The following TAS2R1 variants were observed in gnomAD, a reference collection of about 807,000 sequenced individuals.
TAS2R1 encodes taste 2 receptor member 1, also known as taste receptor type 2 member 1.
For synonymous variants in TAS2R1, 141 were observed against 134.2 expected, an observed-to-expected ratio of 1.05 and a Z score of -0.35; for missense variants, 370 against 353.4, an observed-to-expected ratio of 1.05 and a Z score of -0.38.
intron 1 of TAS2R1, among the ~76,000 whole-genome samples, chr5:9,698,930 T>C (rs896378522): frequency 1.3e-5 from 2 of 152,226 alleles, no homozygotes; most frequent in African/African-American, 4.8e-5. Flanking sequence ...ATAAAGCATA[T>C]AGCGTATCAA....
At chr5:9,737,231 C>T in the TAS2R1 span, among the ~76,000 whole-genome samples, 2 of 152,160 alleles carry the variant, frequency 1.3e-5, no homozygotes, top group Non-Finnish European at 2.9e-5. Flanking sequence ...ACTAGAAGAA[C>T]CCAGACTCTT....
At chr5:9,760,552 A>G in the TAS2R1 span, among the ~76,000 whole-genome samples, 2 of 152,368 alleles carry the variant, frequency 1.3e-5, no homozygotes, top group East Asian at 3.9e-4. Context: ...GACATCAATC[A>G]TTGTGGTCCA....
At chr5:9,707,050 G>A (rs1407663290) in intron 1 of TAS2R1, among the ~76,000 whole-genome samples, 1 of 152,162 alleles carries the variant, frequency 6.6e-6, no homozygotes, top group Non-Finnish European at 1.5e-5. Flanking sequence ...ATGAGATGCA[G>A]TGAAGGACAG....
the TAS2R1 span, chr5:9,903,779 T>C: frequency 1.3e-5 from 2 of 152,104 alleles, no homozygotes; most frequent in Non-Finnish European, 2.9e-5. Context: ...GGTTATATTT[T>C]TGTTAAGTGT....
At chr5:9,820,898 C>A in the TAS2R1 span, among the ~76,000 whole-genome samples, 5 of 152,074 alleles carry the variant, frequency 3.3e-5, no homozygotes, top group African/African-American at 1.2e-4. Flanking sequence ...AGTCGATTTT[C>A]CCACCAGCAT....
chr5:9,855,360 AC>A, the TAS2R1 span, among the ~76,000 whole-genome samples: 1 of 152,136 alleles, frequency 6.6e-6, no homozygotes, highest in Non-Finnish European at 1.5e-5. Flanking sequence ...AATTCAATAC[AC>A]CATCACAATA....
the TAS2R1 span, among the ~76,000 whole-genome samples, chr5:9,901,119 A>G: frequency 6.6e-6 from 1 of 150,612 alleles, no homozygotes; most frequent in African/African-American, 2.4e-5. Flanking sequence ...CCCTGAGAAG[A>G]CCACAGAGAA....
At position 9,680,206 on chromosome 5, in the gene TAS2R1, A is replaced by G. The variant is rs564243271; in HGVS notation, c.-241-20625T>C. On this transcript the variant is annotated intron_variant, in intron 1 of 2. Coordinates refer to the TAS2R1 transcript ENST00000506620. ...ATAAAATATTACTGGACTATAACCC[A>G]AAGCATATAATAAATATTCATGAGG... is the stretch of plus-strand genomic sequence containing the variant. Among the ~76,000 whole-genome samples, 10 of 152,364 alleles carry G rather than the reference A, an allele frequency of 6.6e-5. No homozygotes were observed. The East Asian group carries it at 1.9e-3, about 29-fold the overall frequency.
chr5:9,641,626 C>G (rs1371464068), intron 2 of TAS2R1: 2 of 152,222 alleles, frequency 1.3e-5, no homozygotes, highest in East Asian at 3.8e-4. Flanking sequence ...GTGAAGACCC[C>G]CAAGGACATG....
chr5:9,767,465 A>T, the TAS2R1 span, among the ~76,000 whole-genome samples: 2 of 152,036 alleles, frequency 1.3e-5, no homozygotes, highest in Non-Finnish European at 2.9e-5. Context: ...CAGTTTTCTC[A>T]TCAGTAAAAC....
In TAS2R1 at chr5:9,629,803, A is replaced by G; in HGVS notation, c.230T>C (p.Met77Thr). Residue 77 changes from methionine to threonine, a missense_variant, in exon 1 of 1, where the codon ATG becomes ACG. Transcript: ENST00000382492. ...GAGAATTGCACAATTCGCAGAACAC[A>G]TGATGAATTCTATGAAGAAGATAAC... ...VIVIFFIEFI[M>T]CSANCAILLF... 1 of 1,614,008 alleles carries G rather than the reference A, an allele frequency of 6.2e-7. No homozygotes were observed.
chr5:9,846,419 G>A, the TAS2R1 span, among the ~76,000 whole-genome samples: 1 of 152,270 alleles, frequency 6.6e-6, no homozygotes, highest in East Asian at 1.9e-4. Context: ...TGAGCCCCAG[G>A]TCATGTTGTC....
In TAS2R1 at chr5:9,635,993, T is replaced by C. The variant is rs1739956866; in HGVS notation, c.-80-6001A>G. ...TTCTGCCAGGTTTGGGGTTTGTTTG[T>C]TCTTGTTTCTCTAGTTCCTTGAGGT... On this transcript the variant is annotated intron_variant, in intron 2 of 2. Coordinates refer to the TAS2R1 transcript ENST00000506620. Among the ~76,000 whole-genome samples, 2 of 152,052 alleles carry C rather than the reference T, an allele frequency of 1.3e-5. 1 individual carries two copies. The highest frequency in any genetic ancestry group is 4.1e-4 in the South Asian group (2 of 4,826).
the TAS2R1 span, among the ~76,000 whole-genome samples, chr5:9,772,482 T>A: frequency 6.6e-6 from 1 of 152,246 alleles, no homozygotes; most frequent in African/African-American, 2.4e-5. Context: ...ATTCTGCAGC[T>A]GTTGGATAAA....
At chr5:9,784,436 TGA>T in the TAS2R1 span, among the ~76,000 whole-genome samples, 1 of 152,190 alleles carries the variant, frequency 6.6e-6, no homozygotes, top group Non-Finnish European at 1.5e-5. Flanking sequence ...GCATGAGGCC[TGA>T]GAGTGTGCCC....
At chr5:9,683,274 C>A (rs2126511958) in intron 1 of TAS2R1, among the ~76,000 whole-genome samples, 1 of 152,134 alleles carries the variant, frequency 6.6e-6, no homozygotes, top group South Asian at 2.1e-4. Flanking sequence ...TCTATAAGTT[C>A]CCAAGTCTTT....
At chr5:9,818,514 C>T in the TAS2R1 span, among the ~76,000 whole-genome samples, 1 of 152,212 alleles carries the variant, frequency 6.6e-6, no homozygotes, top group Non-Finnish European at 1.5e-5. Flanking sequence ...TGGGCTGAAG[C>T]TCTTCTGGGC....
chr5:9,728,863 T>G, the TAS2R1 span, among the ~76,000 whole-genome samples: 10 of 152,290 alleles, frequency 6.6e-5, no homozygotes, highest in Admixed American at 2.0e-4. Flanking sequence ...CATCTCGATC[T>G]CAGCAGGGAA....
At chr5:9,648,764 C>T (rs1740247763) in intron 2 of TAS2R1, among the ~76,000 whole-genome samples, 1 of 152,078 alleles carries the variant, frequency 6.6e-6, no homozygotes, top group African/African-American at 2.4e-5. Flanking sequence ...TCATGGCCGA[C>T]CAGTGACCTT....
Sources: gnomAD v4.1 joint callset for allele counts (sites outside exome capture counted in the v4.1 genomes callset) on GRCh38, gnomAD v4.1.1 for gene constraint, MANE v1.5 for transcripts, NCBI Gene and HGNC (gene_info 2026-07-23, HGNC 2026-07-21) for gene names.